Variants in MICAL3 observed in about 807,000 individuals in gnomAD.
The protein encoded by MICAL3 is microtubule associated monooxygenase, calponin and LIM domain containing 3.
In MICAL3, 62 loss-of-function variants were observed where a neutral mutation model predicts 207.4. That is an observed-to-expected ratio of 0.30 (90% confidence interval 0.24 to 0.37). The LOEUF (loss-of-function observed/expected upper bound fraction) is 0.37, where lower values mean the gene tolerates loss of function less well. MICAL3 is among the 10% of genes least tolerant of loss of function. The pLI, the probability that MICAL3 is intolerant of heterozygous loss-of-function variation, is 1.00. For missense variants in MICAL3, 2,368 were observed against 2,635.6 expected (o/e 0.90, Z 2.22); for synonymous variants, 1,077 against 1,069.3 (o/e 1.01, Z -0.14).
chr22:17,980,895 T>A (rs759406414), intron 1 of MICAL3: 5 of 533,488 alleles, frequency 9.4e-6, no homozygotes, highest in Admixed American at 7.8e-5. Context: ...AAGTGCCAGG[T>A]CCTGCACTTT....
At chr22:17,863,030 C>A (rs1460004257) in intron 19 of MICAL3, 3 of 985,310 alleles carry the variant, frequency 3.0e-6, no homozygotes, top group Non-Finnish European at 3.6e-6. Flanking sequence ...TTTAACCACA[C>A]TGCCAACCCT....
intron 16 of MICAL3, among the ~76,000 whole-genome samples, chr22:17,882,400 G>C (rs1428854561): frequency 1.3e-5 from 2 of 152,156 alleles, no homozygotes; most frequent in Non-Finnish European, 2.9e-5. Flanking sequence ...GAGTCACAAT[G>C]GGATGCTGCC....
chr22:17,877,705 A>G (rs895848596), intron 16 of MICAL3, among the ~76,000 whole-genome samples: 13 of 152,016 alleles, frequency 8.6e-5, no homozygotes, highest in African/African-American at 2.9e-4. Flanking sequence ...GTTCAGAGGG[A>G]AAAAGAGAGA....
At chr22:17,798,673 CTTT>C (rs375673869) in intron 29 of MICAL3, among the ~76,000 whole-genome samples, 3 of 130,638 alleles carry the variant, frequency 2.3e-5, no homozygotes, top group Non-Finnish European at 3.2e-5. Context: ...GGAGCAATGC[CTTT>C]TTTTTTTTTT....
chr22:17,831,793 C>A, intron 21 of MICAL3, 61 bp downstream of exon 21: 2 of 1,520,818 alleles, frequency 1.3e-6, no homozygotes, highest in South Asian at 1.3e-5. Context: ...CTTACACTCA[C>A]GCATGAAACA....
intron 1 of MICAL3, among the ~76,000 whole-genome samples, chr22:17,985,963 G>A (rs1920985913): frequency 6.6e-6 from 1 of 152,172 alleles, no homozygotes; most frequent in African/African-American, 2.4e-5. Flanking sequence ...GTGGAGTGCA[G>A]TGGCAGCAAT....
intron 21 of MICAL3, among the ~76,000 whole-genome samples, chr22:17,828,651 G>T (rs1922466410): frequency 3.9e-5 from 6 of 152,192 alleles, no homozygotes; most frequent in Admixed American, 3.9e-4. Context: ...AACAAGGCCT[G>T]GTTTCTCAGC....
At chr22:17,958,631 T>C (rs1934742740) in intron 1 of MICAL3, among the ~76,000 whole-genome samples, 1 of 152,108 alleles carries the variant, frequency 6.6e-6, no homozygotes. Context: ...GGGCCAGAAC[T>C]GACCACAAGA....
At chr22:17,967,413 G>T (rs1380276194) in intron 1 of MICAL3, among the ~76,000 whole-genome samples, 1 of 148,332 alleles carries the variant, frequency 6.7e-6, no homozygotes, top group African/African-American at 2.5e-5. Context: ...AATATTTGAT[G>T]AATCTGCCCT....
chr22:17,829,331 T>C (rs903911875), intron 21 of MICAL3, among the ~76,000 whole-genome samples: 2 of 152,158 alleles, frequency 1.3e-5, no homozygotes, highest in Admixed American at 1.3e-4. Flanking sequence ...CATGCCCGAC[T>C]AATTTTTTAT....
chr22:17,841,782 C>T lies in MICAL3; in HGVS notation c.2801+40G>A. On this transcript the variant is annotated intron_variant, in intron 20 of 31. Coordinates refer to ENST00000441493, the MANE Select transcript of MICAL3 (RefSeq NM_015241.3). This position sits in a 1 kb window ranked among gnomAD's most constrained non-coding sequence, Gnocchi z 4.2. ...CACAGAGGTGAGGAGGCTCTTAGGGCCGTGTGGCGGGTGGGCGCCCTGCAG... is the reference window on the plus strand; with the variant it reads ...CACAGAGGTGAGGAGGCTCTTAGGGTCGTGTGGCGGGTGGGCGCCCTGCAG... The T allele has an allele frequency of 6.5e-7, 1 of 1,538,828 alleles. No individual in the cohort carries two copies. The highest frequency in any genetic ancestry group is 8.8e-7 in the Non-Finnish European group (1 of 1,141,442).
At chr22:17,838,407 A>G (rs1923625024) in intron 20 of MICAL3, among the ~76,000 whole-genome samples, 1 of 152,208 alleles carries the variant, frequency 6.6e-6, no homozygotes, top group Non-Finnish European at 1.5e-5. Context: ...TAAGGAAACC[A>G]ATACAAGGCT....
At chr22:17,792,101 A>C (rs2061830649) in intron 29 of MICAL3, among the ~76,000 whole-genome samples, 1 of 152,220 alleles carries the variant, frequency 6.6e-6, no homozygotes, top group Admixed American at 6.5e-5. Flanking sequence ...CGGCCTGACC[A>C]CTGGGCTTCA....
At chr22:17,929,358 C>G (rs1174074996) in intron 1 of MICAL3, among the ~76,000 whole-genome samples, 1 of 150,552 alleles carries the variant, frequency 6.6e-6, no homozygotes, top group African/African-American at 2.4e-5. Context: ...CTGTCCTGGT[C>G]TCTCCAAGTG....
chr22:17,936,132 T>C (rs1933514506), intron 1 of MICAL3, among the ~76,000 whole-genome samples: 1 of 152,164 alleles, frequency 6.6e-6, no homozygotes, highest in Admixed American at 6.5e-5. Context: ...CACACGCATG[T>C]TTATTGCGGC....
Position 18,010,678 on chromosome 22 carries a change from C to T in MICAL3, c.-75+13603G>A, listed in dbSNP as rs189792760. On this transcript the variant is annotated intron_variant, in intron 1 of 31. Transcript: ENST00000441493. ...CAGAAAAGGAGCAGAGTTCCTTCCA[C>T]CTTGAGCCAGAGATTTTCAGGCAAA... Among the ~76,000 whole-genome samples, 10 of 152,228 alleles carry T rather than the reference C, an allele frequency of 6.6e-5. 1 individual carries two copies. In the East Asian group the frequency reaches 1.9e-3, roughly 29 times the overall value.
intron 1 of MICAL3, among the ~76,000 whole-genome samples, chr22:17,910,094 A>G (rs1932015279): frequency 6.6e-6 from 1 of 152,220 alleles, no homozygotes; most frequent in Non-Finnish European, 1.5e-5. Context: ...GTTTCTAAAC[A>G]GTAGCCACTT....
intron 16 of MICAL3, among the ~76,000 whole-genome samples, chr22:17,877,327 A>G (rs1423202583): frequency 1.1e-4 from 13 of 119,558 alleles, no homozygotes; most frequent in Admixed American, 6.4e-4. Flanking sequence ...GAGGTTAGGG[A>G]GGTTATGGAG....
intron 19 of MICAL3, chr22:17,861,007 C>T: frequency 1.0e-6 from 1 of 984,968 alleles, no homozygotes; most frequent in Non-Finnish European, 1.2e-6. Context: ...AAACGTGTAC[C>T]TATATATAAA....
Sources: allele counts gnomAD v4.1 joint callset (sites outside exome capture counted in the v4.1 genomes callset), GRCh38; gene constraint gnomAD v4.1.1; non-coding constraint Gnocchi (gnomAD v3.1); transcripts MANE v1.5; gene names NCBI Gene and HGNC (gene_info 2026-07-23, HGNC 2026-07-21).